SEC16B: variants seen among roughly 807,000 people sequenced by gnomAD.
SEC16B encodes protein transport protein Sec16B.
A neutral mutation model predicts 141.8 loss-of-function variants in SEC16B; 115 were observed. The observed-to-expected ratio is 0.81, with a 90% CI of 0.70 to 0.95. SEC16B has a LOEUF of 0.95. Ranked by LOEUF, SEC16B falls within the 40% of genes least tolerant of loss-of-function variation. The pLI, the probability that SEC16B is intolerant of heterozygous loss-of-function variation, is 0.00. For synonymous variants in SEC16B, 493 were observed against 492.5 expected (o/e 1.00, Z -0.01); for missense variants, 1,291 against 1,312.3 (o/e 0.98, Z 0.25).
At chr1:177,934,260 C>T (rs564870410) in intron 20 of SEC16B, among the ~76,000 whole-genome samples, 1 of 152,252 alleles carries the variant, frequency 6.6e-6, no homozygotes, top group South Asian at 2.1e-4. Flanking sequence ...CTAGCCATCT[C>T]CAGAACTTTT....
chr1:177,958,281 C>A lies in SEC16B; in HGVS notation c.1216G>T (p.Ala406Ser). 1.2e-6 allele frequency: 2 copies of A among 1,610,526 alleles called. No individual in the cohort carries two copies. Among genetic ancestry groups the A allele is most frequent in the Non-Finnish European group, 8.5e-7 (1 of 1,178,304 alleles). The change falls in exon 10 of 26, where the codon GCC becomes TCC. Residue 406 changes from alanine (A) to serine (S), a missense_variant. Coordinates refer to ENST00000308284, the MANE Select transcript of SEC16B (RefSeq NM_033127.4). ...LEKYKRQPPV[A>S]NLINLTDEDW... ...TCATCGGTCAGGTTGATGAGGTTGG[C>A]CACAGGGGGCTGCCGCTTGTACTTC...
chr1:177,980,796 A>G (rs867290941), intron 1 of SEC16B, among the ~76,000 whole-genome samples: 1 of 152,036 alleles, frequency 6.6e-6, no homozygotes, highest in African/African-American at 2.4e-5. Flanking sequence ...AAGAAAGAAA[A>G]AAAAAATCTG....
chr1:177,937,535 A>T, intron 18 of SEC16B, 22 bp from the exon 19 acceptor site: 1 of 1,487,226 alleles, frequency 6.7e-7, no homozygotes, highest in Non-Finnish European at 9.0e-7. Context: ...GAACAAAGGT[A>T]AAGAAGTCAG....
At chr1:177,933,992 C>T (rs1650650001) in intron 20 of SEC16B, among the ~76,000 whole-genome samples, 1 of 150,582 alleles carries the variant, frequency 6.6e-6, no homozygotes, top group Non-Finnish European at 1.5e-5. Flanking sequence ...CACAAGCTCC[C>T]CCCAAAAAAA....
intron 1 of SEC16B, among the ~76,000 whole-genome samples, chr1:177,975,929 A>C (rs542298967): frequency 6.6e-6 from 1 of 152,284 alleles, no homozygotes; most frequent in South Asian, 2.1e-4. Flanking sequence ...TGTGCTGCTC[A>C]GCTGTTCTAG....
In SEC16B at chr1:177,933,489, T is replaced by C. The variant is rs1650607178; in HGVS notation, c.2719A>G (p.Thr907Ala). ...RGKLGDGKEH[T>A]KSSGFGWFSW... is the part of the protein sequence containing the mutation. ...AGAAGAACAAGTCCCTCCACCTTTG[T>C]ATGCTCCTTCCCATCTCCGAGCTTG... is the stretch of plus-strand genomic sequence containing the variant. Residue 907 changes from threonine (T) to alanine (A), a missense_variant, in exon 21 of 26, where the codon ACA (threonine) becomes GCA (alanine). Around this residue, in one of 3 missense-constraint regions of SEC16B, gnomAD observed 605 missense variants for 614.1 expected, o/e 0.99. Coordinates refer to ENST00000308284, the MANE Select transcript of SEC16B (RefSeq NM_033127.4). 1 of 1,612,972 alleles carries C rather than the reference T, an allele frequency of 6.2e-7. No individual in the cohort carries two copies. The highest frequency in any genetic ancestry group is 8.5e-7 in the Non-Finnish European group (1 of 1,179,474).
chr1:177,959,070 G>C (rs769212697), intron 8 of SEC16B, 95 bp from the exon 9 acceptor site: 1 of 1,323,616 alleles, frequency 7.6e-7, no homozygotes, highest in Admixed American at 2.0e-5. Context: ...GTGCTGGCTG[G>C]GCTGTGATTG....
chr1:177,975,126 T>C (rs182855538), upstream of SEC16B, among the ~76,000 whole-genome samples: 22 of 152,266 alleles, frequency 1.4e-4, no homozygotes, highest in Non-Finnish European at 2.8e-4. Flanking sequence ...GTGTGGAATA[T>C]AGGAGTGGGC....
chr1:177,979,900 C>T (rs888151642), intron 1 of SEC16B, among the ~76,000 whole-genome samples: 1 of 152,086 alleles, frequency 6.6e-6, no homozygotes, highest in Admixed American at 6.6e-5. Context: ...AAGACTTGCC[C>T]CCAGGATTCA....
chr1:177,967,325 T>C (rs1557991987), intron 2 of SEC16B, among the ~76,000 whole-genome samples: 4 of 152,164 alleles, frequency 2.6e-5, no homozygotes, highest in Admixed American at 2.0e-4. Context: ...AGAAAAGCTT[T>C]TCCATAGTCT....
chr1:177,958,070 G>C lies in SEC16B; in HGVS notation c.1365+62C>G, dbSNP rs892747268. 5.3e-6 allele frequency: 6 copies of C among 1,137,148 alleles called. No homozygotes were observed. The African/African-American group carries it at 9.5e-5, about 18-fold the overall frequency. The allele number at this position is 1,137,148 out of a possible 1,614,324, so 70.4% of individuals were successfully genotyped here. ...CTATTCACATAATTTGAGCAGCGGTGAGTGGTGGAGAGGGATGGTGATTGC... is the reference window on the plus strand; with the variant it reads ...CTATTCACATAATTTGAGCAGCGGTCAGTGGTGGAGAGGGATGGTGATTGC... On this transcript the variant is annotated intron_variant, in intron 10 of 25. Transcript: ENST00000308284.
chr1:177,958,737 T>C, intron 9 of SEC16B, 103 bp downstream of exon 9: 1 of 1,421,344 alleles, frequency 7.0e-7, no homozygotes. Context: ...TTGTGGCTTC[T>C]TTAATATTGC....
intron 2 of SEC16B, among the ~76,000 whole-genome samples, chr1:177,966,921 A>G (rs1471000018): frequency 1.3e-5 from 2 of 152,156 alleles, no homozygotes; most frequent in Non-Finnish European, 2.9e-5. Flanking sequence ...TCTTTATAAT[A>G]ATTGTCATAA....
At chr1:177,969,301 C>T (rs988657437) in intron 1 of SEC16B, among the ~76,000 whole-genome samples, 2 of 152,198 alleles carry the variant, frequency 1.3e-5, no homozygotes, top group Admixed American at 1.3e-4. Context: ...AGCTATGAGA[C>T]GGCAGAACAC....
chr1:177,975,890 C>G (rs577190241), intron 1 of SEC16B, among the ~76,000 whole-genome samples: 1 of 152,284 alleles, frequency 6.6e-6, no homozygotes, highest in South Asian at 2.1e-4. Context: ...TTCAGGTGAG[C>G]TGGGTGGCAG....
chr1:177,961,373 A>G (rs891123468), intron 6 of SEC16B: 11 of 544,194 alleles, frequency 2.0e-5, no homozygotes, highest in Non-Finnish European at 3.2e-5. Flanking sequence ...GATAATGGAT[A>G]GGGGCAGTGT....
Position 177,968,577 on chromosome 1 carries a change from C to T in SEC16B, c.-58-538G>A, listed in dbSNP as rs77706681. ...TTGACAGAGTTAAAGATAACCTATG[C>T]GAAGTGCGTAACATGTTACCTAACA... On this transcript the variant is annotated intron_variant, in intron 1 of 25. Transcript: ENST00000308284. Among the ~76,000 whole-genome samples, 1,268 of 152,130 alleles carry T rather than the reference C, an allele frequency of 8.3e-3. 18 individuals are homozygous for T. Among genetic ancestry groups the T allele is most frequent in the African/African-American group, 0.029 (1,220 of 41,524 alleles).
At position 177,967,738 on chromosome 1, in the gene SEC16B, G is replaced by T; in HGVS notation, c.244C>A (p.Pro82Thr). The part of the protein sequence containing the change: ...YASRPGDWHQ[P>T]VSGVDYYEGG... ...TCGTAATAGTCAACTCCAGACACAG[G>T]CTGATGCCAGTCCCCTGGCCTGGAT... The change falls in exon 2 of 26, where the codon CCT (proline) becomes ACT (threonine). Residue 82 changes from proline (P) to threonine (T), a missense_variant. By Grantham distance (38) the Pro-to-Thr change is conservative (BLOSUM62 -1). Transcript: ENST00000308284. 1 of 1,613,580 alleles carries T rather than the reference G, an allele frequency of 6.2e-7. No homozygotes were observed. The highest frequency in any genetic ancestry group is 8.5e-7 in the Non-Finnish European group (1 of 1,179,560).
At chr1:177,944,706 G>C (rs1209021060) in intron 14 of SEC16B, 40 bp from the exon 15 acceptor site, 1 of 1,534,412 alleles carries the variant, frequency 6.5e-7, no homozygotes, top group Non-Finnish European at 9.0e-7. Flanking sequence ...TTGAGGTGTG[G>C]GGGACGCAGG....
Sources: gnomAD v4.1 joint callset for allele counts (sites outside exome capture counted in the v4.1 genomes callset) on GRCh38, gnomAD v4.1.1 for gene constraint, gnomAD v4.1.1 regional missense constraint, MANE v1.5 for transcripts, NCBI Gene and HGNC (gene_info 2026-07-23, HGNC 2026-07-21) for gene names.